The following COL5A2 variants were observed in gnomAD, a reference collection of about 807,000 sequenced individuals.
COL5A2 encodes collagen type V alpha 2 chain, also known as collagen alpha-2(V) chain.
A neutral mutation model predicts 208.2 loss-of-function variants in COL5A2; 23 were observed. The observed-to-expected ratio is 0.11, with a 90% CI of 0.08 to 0.16. The LOEUF (loss-of-function observed/expected upper bound fraction) is 0.16, where lower values mean the gene tolerates loss of function less well. COL5A2 is among the 10% of genes least tolerant of loss of function. The probability of loss-of-function intolerance (pLI) is 1.00; values close to 1 mark genes in which losing one functional copy is unlikely to be tolerated. For missense variants in COL5A2, 1,590 were observed against 1,956.4 expected (o/e 0.81, Z 3.53); for synonymous variants, 625 against 628.5 (o/e 0.99, Z 0.08).
chr2:189,039,244 T>G, intron 51 of COL5A2, 28 bp downstream of exon 51: 1 of 1,612,804 alleles, frequency 6.2e-7, no homozygotes, highest in Non-Finnish European at 8.5e-7. Flanking sequence ...ACAACGGGTT[T>G]TGCTCAAATG....
chr2:189,200,965 G>A (rs2105856820), intron 1 of COL5A2, among the ~76,000 whole-genome samples: 1 of 151,852 alleles, frequency 6.6e-6, no homozygotes, highest in East Asian at 1.9e-4. Flanking sequence ...TACAAGAAAT[G>A]TTAAAGTTCT....
chr2:189,378,718 C>T, the COL5A2 span, among the ~76,000 whole-genome samples: 83 of 142,282 alleles, frequency 5.8e-4, no homozygotes, highest in Middle Eastern at 3.8e-3. Context: ...TGCGAGACTC[C>T]GTCTCAACAA....
At chr2:189,042,596 C>T (rs768538186) in intron 49 of COL5A2, 124 bp downstream of exon 49, 32 of 868,586 alleles carry the variant, frequency 3.7e-5, no homozygotes, top group Non-Finnish European at 5.3e-5. Flanking sequence ...ATGTGTGTTG[C>T]CAACCTCAGA....
At chr2:189,362,830 C>T in the COL5A2 span, among the ~76,000 whole-genome samples, 1 of 151,642 alleles carries the variant, frequency 6.6e-6, no homozygotes, top group African/African-American at 2.4e-5. Context: ...TTTAAGATAC[C>T]AAAATGTCTA....
chr2:189,183,250 T>C (rs1688805834), upstream of COL5A2, among the ~76,000 whole-genome samples: 1 of 152,162 alleles, frequency 6.6e-6, no homozygotes. Context: ...ATACTGAAAC[T>C]CTTTCCATTC....
chr2:189,364,296 T>C, the COL5A2 span, among the ~76,000 whole-genome samples: 8 of 152,320 alleles, frequency 5.3e-5, no homozygotes, highest in South Asian at 6.2e-4. Context: ...AAGAAATTAT[T>C]TTGATTAACT....
At chr2:189,375,506 T>C in the COL5A2 span, among the ~76,000 whole-genome samples, 1 of 152,350 alleles carries the variant, frequency 6.6e-6, no homozygotes, top group Non-Finnish European at 1.5e-5. Flanking sequence ...GGTAATATGA[T>C]GACAGTGTTT....
intron 1 of COL5A2, among the ~76,000 whole-genome samples, chr2:189,195,817 C>G (rs150353327): frequency 6.6e-6 from 1 of 151,174 alleles, no homozygotes; most frequent in Non-Finnish European, 1.5e-5. Context: ...AATTAACTCT[C>G]GATAGATTAA....
intron 1 of COL5A2, among the ~76,000 whole-genome samples, chr2:189,158,784 T>C (rs1175981146): frequency 6.6e-6 from 1 of 152,154 alleles, no homozygotes; most frequent in African/African-American, 2.4e-5. Flanking sequence ...ACTCCAACTT[T>C]TCCCCTTCCC....
At chr2:189,207,124 A>T (rs1187175859) in intron 1 of COL5A2, among the ~76,000 whole-genome samples, 3 of 152,226 alleles carry the variant, frequency 2.0e-5, no homozygotes, top group African/African-American at 4.8e-5. Context: ...ACCAATGCAG[A>T]TCAAAAGAAA....
intron 6 of COL5A2, among the ~76,000 whole-genome samples, chr2:189,096,632 A>G (rs983871275): frequency 1.3e-5 from 2 of 151,578 alleles, no homozygotes; most frequent in Admixed American, 6.6e-5. Context: ...AAAAAAAAAA[A>G]AAAAAAGAAA....
At chr2:189,198,987 C>A (rs991146031) in intron 1 of COL5A2, among the ~76,000 whole-genome samples, 1 of 152,168 alleles carries the variant, frequency 6.6e-6, no homozygotes, top group African/African-American at 2.4e-5. Flanking sequence ...CTAACATTTC[C>A]TTCCCTAAAA....
At chr2:189,062,746 C>T in intron 29 of COL5A2, 119 bp downstream of exon 29, 1 of 1,115,086 alleles carries the variant, frequency 9.0e-7, no homozygotes, top group Admixed American at 1.8e-5. Context: ...TTCTTCATTC[C>T]CATACATTCT....
At chr2:189,212,469 C>G (rs1157357328) in intron 1 of COL5A2, among the ~76,000 whole-genome samples, 7 of 151,928 alleles carry the variant, frequency 4.6e-5, no homozygotes, top group Non-Finnish European at 1.0e-4. Context: ...GAAACCCAGT[C>G]TCTATTAAAA....
chr2:189,192,915 C>T (rs965511730), intron 1 of COL5A2, among the ~76,000 whole-genome samples: 6 of 152,132 alleles, frequency 3.9e-5, no homozygotes, highest in Admixed American at 3.3e-4. Flanking sequence ...CACAAGAGTG[C>T]TACTTATCAC....
chr2:189,153,570 G>C lies in COL5A2; in HGVS notation c.97+25938C>G, dbSNP rs891678638. Among the ~76,000 whole-genome samples the C allele has an allele frequency of 2.0e-4, 31 of 152,164 alleles. 1 individual carries two copies. The highest frequency in any genetic ancestry group is 1.5e-5 in the Non-Finnish European group (1 of 68,040). ...AGTTACAGGAAAGATAATGAAGAAA[G>C]CACAGGAAAGTGTAAGTGGGGTGCA... is the stretch of plus-strand genomic sequence containing the variant. On this transcript the variant is annotated intron_variant, in intron 1 of 53. Transcript: ENST00000374866.
intron 1 of COL5A2, among the ~76,000 whole-genome samples, chr2:189,161,980 G>A (rs1315187558): frequency 2.6e-5 from 4 of 152,206 alleles, no homozygotes; most frequent in Admixed American, 6.5e-5. Flanking sequence ...TGGATGTGAA[G>A]GGGAGGAAAA....
chr2:189,140,231 A>C (rs768558759), intron 1 of COL5A2, among the ~76,000 whole-genome samples: 4 of 152,200 alleles, frequency 2.6e-5, no homozygotes, highest in Non-Finnish European at 4.4e-5. Context: ...ACTTTAACAT[A>C]TGTACATACA....
At chr2:189,370,568 T>C in the COL5A2 span, among the ~76,000 whole-genome samples, 5 of 151,914 alleles carry the variant, frequency 3.3e-5, no homozygotes, top group African/African-American at 1.2e-4. Context: ...ACTCAACACA[T>C]AAAGCCACAC....
Sources: allele counts gnomAD v4.1 joint callset (sites outside exome capture counted in the v4.1 genomes callset), GRCh38; gene constraint gnomAD v4.1.1; transcripts MANE v1.5; gene names NCBI Gene and HGNC (gene_info 2026-07-23, HGNC 2026-07-21).